Variants in PIP5K1B observed in about 807,000 individuals in gnomAD.
PIP5K1B encodes the protein phosphatidylinositol-4-phosphate 5-kinase type 1 beta, also known as phosphatidylinositol 4-phosphate 5-kinase type-1 beta.
Under a neutral mutation model 67.0 loss-of-function variants are expected in PIP5K1B, and 42 were observed. The observed-to-expected ratio is 0.63, with a 90% confidence interval of 0.49 to 0.81. PIP5K1B has a LOEUF of 0.81. Ranked by LOEUF, PIP5K1B falls within the 30% of genes least tolerant of loss-of-function variation. The probability of loss-of-function intolerance (pLI) is 0.00; values close to 1 mark genes in which losing one functional copy is unlikely to be tolerated. For missense variants in PIP5K1B, 459 were observed against 646.3 expected (o/e 0.71, Z 3.14); for synonymous variants, 214 against 231.4 (o/e 0.92, Z 0.68).
intron 6 of PIP5K1B, among the ~76,000 whole-genome samples, chr9:68,877,536 T>C (rs1283529034): frequency 2.6e-5 from 4 of 152,208 alleles, no homozygotes; most frequent in Non-Finnish European, 4.4e-5. Context: ...AAGAATGCCA[T>C]CAAATATTTA....
chr9:68,770,352 A>G (rs1278789321), intron 2 of PIP5K1B, among the ~76,000 whole-genome samples: 5 of 152,214 alleles, frequency 3.3e-5, no homozygotes, highest in Non-Finnish European at 7.4e-5. Flanking sequence ...AAGGAGGGGC[A>G]TGATTCTCTT....
intron 2 of PIP5K1B, among the ~76,000 whole-genome samples, chr9:68,768,195 G>T (rs548897960): frequency 8.7e-4 from 132 of 152,280 alleles, no homozygotes; most frequent in Middle Eastern, 3.4e-3. Context: ...AAAATTATTG[G>T]AAACAACAAG....
chr9:68,981,324 A>T (rs1397036178), intron 14 of PIP5K1B, among the ~76,000 whole-genome samples: 1 of 152,232 alleles, frequency 6.6e-6, no homozygotes, highest in Non-Finnish European at 1.5e-5. Flanking sequence ...AGGGTAGAAG[A>T]GGGTAAATGT....
chr9:68,801,553 T>C (rs1307112495), intron 2 of PIP5K1B, among the ~76,000 whole-genome samples: 1 of 152,218 alleles, frequency 6.6e-6, no homozygotes, highest in Non-Finnish European at 1.5e-5. Context: ...TTTTTCGTAC[T>C]TTCAAAACCA....
chr9:68,725,583 A>G (rs1301763448), intron 1 of PIP5K1B, among the ~76,000 whole-genome samples: 2 of 152,186 alleles, frequency 1.3e-5, no homozygotes. Flanking sequence ...CTCTCCCATC[A>G]CTAAGGCCAA....
At chr9:68,914,951 C>T (rs774837991) in intron 8 of PIP5K1B, among the ~76,000 whole-genome samples, 3 of 152,108 alleles carry the variant, frequency 2.0e-5, no homozygotes, top group East Asian at 1.9e-4. Flanking sequence ...TTACTTCAAG[C>T]GAACACCTGT....
intron 14 of PIP5K1B, among the ~76,000 whole-genome samples, chr9:68,942,579 C>T (rs550983303): frequency 6.6e-6 from 1 of 152,212 alleles, no homozygotes; most frequent in South Asian, 2.1e-4. Flanking sequence ...GACTCCCAAT[C>T]GTTCCTGGCC....
intron 15 of PIP5K1B, among the ~76,000 whole-genome samples, chr9:68,997,318 G>T (rs528448578): frequency 6.6e-6 from 1 of 152,334 alleles, no homozygotes; most frequent in African/African-American, 2.4e-5. Flanking sequence ...CAGCGTTGAG[G>T]TTAATGACTT....
chr9:68,901,575 A>C (rs1029649921), intron 8 of PIP5K1B, among the ~76,000 whole-genome samples: 4 of 152,240 alleles, frequency 2.6e-5, no homozygotes, highest in Non-Finnish European at 4.4e-5. Flanking sequence ...ACTGTCTTTC[A>C]AAGTGTGTTT....
intron 12 of PIP5K1B, among the ~76,000 whole-genome samples, chr9:68,926,074 C>A (rs1385816753): frequency 6.6e-6 from 1 of 151,818 alleles, no homozygotes; most frequent in Non-Finnish European, 1.5e-5. Flanking sequence ...GGATTACAGG[C>A]TTAAGCCACC....
At chr9:68,887,719 C>T (rs1824549375) in intron 6 of PIP5K1B, among the ~76,000 whole-genome samples, 1 of 152,100 alleles carries the variant, frequency 6.6e-6, no homozygotes, top group Non-Finnish European at 1.5e-5. Flanking sequence ...ATGATGAAAC[C>T]TTTGAACTAA....
At chr9:68,780,619 T>C in intron 2 of PIP5K1B, 2 of 1,614,222 alleles carry the variant, frequency 1.2e-6, no homozygotes, top group African/African-American at 1.3e-5. Flanking sequence ...ACTCGGGGAA[T>C]TGGGAAGCAG....
At chr9:69,002,615 C>G (rs1294808633) in intron 15 of PIP5K1B, among the ~76,000 whole-genome samples, 1 of 151,898 alleles carries the variant, frequency 6.6e-6, no homozygotes, top group African/African-American at 2.4e-5. Context: ...AAATATAGAG[C>G]TTTATTTAAA....
chr9:68,982,623 A>T (rs1829929087), intron 14 of PIP5K1B, among the ~76,000 whole-genome samples: 1 of 151,942 alleles, frequency 6.6e-6, no homozygotes. Context: ...GTAGTTGGGC[A>T]TGGTGGTGCG....
chr9:69,003,828 T>C (rs1830939931), intron 15 of PIP5K1B, among the ~76,000 whole-genome samples: 1 of 152,166 alleles, frequency 6.6e-6, no homozygotes, highest in African/African-American at 2.4e-5. Context: ...TGGGAAGCCC[T>C]CCTGGGAGTG....
chr9:68,917,790 T>A (rs767044662), intron 9 of PIP5K1B, 31 bp downstream of exon 9: 1 of 1,523,572 alleles, frequency 6.6e-7, no homozygotes, highest in Non-Finnish European at 9.1e-7. Flanking sequence ...ACCCACCCTC[T>A]TGACTGTGGC....
chr9:68,956,774 C>T (rs1472495215), intron 14 of PIP5K1B, among the ~76,000 whole-genome samples: 1 of 152,124 alleles, frequency 6.6e-6, no homozygotes, highest in Non-Finnish European at 1.5e-5. Flanking sequence ...TAGAACTTTT[C>T]AACGTGTATG....
At chr9:68,911,293 A>C (rs924832442) in intron 8 of PIP5K1B, among the ~76,000 whole-genome samples, 1 of 151,846 alleles carries the variant, frequency 6.6e-6, no homozygotes, top group African/African-American at 2.4e-5. Context: ...ACATTGCTTG[A>C]ACCCGGGAAG....
intron 2 of PIP5K1B, among the ~76,000 whole-genome samples, chr9:68,777,346 T>C (rs558782269): frequency 6.6e-6 from 1 of 152,296 alleles, no homozygotes; most frequent in East Asian, 1.9e-4. Context: ...CTTTCCCTTG[T>C]AGAGCTTACT....
Sources: gnomAD v4.1 joint callset for allele counts (sites outside exome capture counted in the v4.1 genomes callset) on GRCh38, gnomAD v4.1.1 for gene constraint, MANE v1.5 for transcripts, NCBI Gene and HGNC (gene_info 2026-07-23, HGNC 2026-07-21) for gene names.